The following TTC28 variants were observed in gnomAD, a reference collection of about 807,000 sequenced individuals.
TTC28 encodes the protein tetratricopeptide repeat domain 28, also known as tetratricopeptide repeat protein 28.
Under a neutral mutation model 198.0 loss-of-function variants are expected in TTC28, and 61 were observed. The ratio of observed to expected loss-of-function variants is 0.31; its 90% CI spans 0.25 to 0.38. TTC28 has a LOEUF of 0.38. Among genes scored for constraint, TTC28 ranks in the 10% least tolerant of loss-of-function variants. TTC28 has a pLI of 1.00. For synonymous variants in TTC28, 1,171 were observed against 1,297.8 expected, an observed-to-expected ratio of 0.90 and a Z score of 2.10; for missense variants, 2,678 against 3,164.0, an observed-to-expected ratio of 0.85 and a Z score of 3.69.
In TTC28 at chr22:28,634,505, CAAAAAAAAAAA is replaced by C. The variant is rs900765994; in HGVS notation, c.103-4686_103-4676del. Among the ~76,000 whole-genome samples the C allele has an allele frequency of 5.5e-3, 249 of 45,526 alleles. 2 individuals are homozygous for C. The highest frequency in any genetic ancestry group is 0.017 in the African/African-American group (226 of 13,612). 29.9% of individuals were successfully genotyped at this position (45,526 alleles called of 152,430 possible). On this transcript the variant is annotated intron_variant, in intron 1 of 22. Coordinates refer to ENST00000397906, the MANE Select transcript of TTC28 (RefSeq NM_001145418.2). ...CTGGCGACTAAGCGAGACTCCATCT[CAAAAAAAAAAA>C]AAAAAAAAGAAACGGAAATTTCTAT... is the stretch of plus-strand genomic sequence containing the variant.
chr22:28,164,414 C>A (rs1050987033), intron 5 of TTC28, among the ~76,000 whole-genome samples: 5 of 152,184 alleles, frequency 3.3e-5, no homozygotes, highest in African/African-American at 1.2e-4. Context: ...GGACTGACAC[C>A]TCACATGGCA....
At position 27,993,430 on chromosome 22, in the gene TTC28, A is replaced by G; in HGVS notation, c.5333T>C (p.Ile1778Thr). 2 of 1,551,564 alleles carry G rather than the reference A, an allele frequency of 1.3e-6. No homozygotes were observed. Among genetic ancestry groups the G allele is most frequent in the South Asian group, 1.2e-5 (1 of 84,066 alleles). ...QQSVENKVGG[I>T]PGWQALLTAV... ...GGTGAGGAGGGCCTGCCAGCCAGGG[A>G]TGCCGCCCACTTTGTTCTCCACACT... The change falls in exon 18 of 23, where the codon ATC becomes ACC. Residue 1778 changes from isoleucine to threonine, a missense_variant. Coordinates refer to ENST00000397906, the MANE Select transcript of TTC28 (RefSeq NM_001145418.2).
intron 5 of TTC28, among the ~76,000 whole-genome samples, chr22:28,215,813 A>T (rs1030236622): frequency 2.0e-5 from 3 of 152,176 alleles, no homozygotes; most frequent in African/African-American, 7.2e-5. Flanking sequence ...AATATTTTTA[A>T]ATCATTAGGA....
intron 2 of TTC28, among the ~76,000 whole-genome samples, chr22:28,404,636 C>G (rs1229424528): frequency 6.6e-6 from 1 of 152,200 alleles, no homozygotes; most frequent in African/African-American, 2.4e-5. Flanking sequence ...CACCGCTTTT[C>G]CACTCACCCC....
chr22:28,251,051 A>T (rs1247477887), intron 5 of TTC28, among the ~76,000 whole-genome samples: 1 of 152,254 alleles, frequency 6.6e-6, no homozygotes, highest in African/African-American at 2.4e-5. Flanking sequence ...TGGGTATCAC[A>T]AAGCTACTTC....
chr22:28,134,411 G>A lies in TTC28; in HGVS notation c.1442-26008C>T, dbSNP rs976561975. On this transcript the variant is annotated intron_variant, in intron 6 of 22. Coordinates refer to ENST00000397906, the MANE Select transcript of TTC28 (RefSeq NM_001145418.2). ...AGGCGTCAGACAATCAAACTTCTCCGAACTAAAGGAGGAAGTTCGAACCCA... is the reference window on the plus strand; with the variant it reads ...AGGCGTCAGACAATCAAACTTCTCCAAACTAAAGGAGGAAGTTCGAACCCA... Among the ~76,000 whole-genome samples the A allele has an allele frequency of 1.2e-4, 19 of 152,226 alleles. 1 individual carries two copies. The highest frequency in any genetic ancestry group is 3.1e-4 in the African/African-American group (13 of 41,532).
rs372773546 is a variant in TTC28, at chr22:28,096,174, C to T, written c.3766+16G>A. 2 of 1,526,320 alleles carry T rather than the reference C, an allele frequency of 1.3e-6. No individual in the cohort carries two copies. The highest frequency in any genetic ancestry group is 2.8e-5 in the African/African-American group (2 of 72,462). 94.5% of individuals were successfully genotyped at this position (1,526,320 alleles called of 1,614,324 possible). ...TAGTCTTCTAATTGCCCTGTTCCCA[C>T]AGAAAGAGATCTTACCTGCCCCAGG... On this transcript the variant is annotated intron_variant, in intron 11 of 22. Transcript: ENST00000397906.
intron 2 of TTC28, among the ~76,000 whole-genome samples, chr22:28,321,883 C>T (rs2045451516): frequency 6.6e-6 from 1 of 152,148 alleles, no homozygotes; most frequent in East Asian, 1.9e-4. Flanking sequence ...GTCACCCAGG[C>T]TGGAGTGGCA....
At chr22:28,576,978 C>T (rs552348778) in intron 2 of TTC28, among the ~76,000 whole-genome samples, 2 of 151,862 alleles carry the variant, frequency 1.3e-5, no homozygotes, top group East Asian at 3.9e-4. Context: ...TTTATTTCTG[C>T]TCTGATCTTT....
chr22:28,301,065 A>T (rs960449641), intron 3 of TTC28, among the ~76,000 whole-genome samples: 1 of 152,168 alleles, frequency 6.6e-6, no homozygotes, highest in African/African-American at 2.4e-5. Flanking sequence ...AAATTTAAAA[A>T]TTTTTTACTA....
At chr22:28,225,774 G>A (rs116391540) in intron 5 of TTC28, among the ~76,000 whole-genome samples, 8 of 152,204 alleles carry the variant, frequency 5.3e-5, no homozygotes, top group South Asian at 2.1e-4. Context: ...CTTTGCATTC[G>A]CTACTTTTTG....
At chr22:28,656,263 A>C (rs1345975228) in intron 1 of TTC28, among the ~76,000 whole-genome samples, 1 of 152,196 alleles carries the variant, frequency 6.6e-6, no homozygotes, top group Non-Finnish European at 1.5e-5. Flanking sequence ...GAAGCTTGAT[A>C]AAACTGGTCC....
chr22:28,140,053 T>TAC (rs1163755225), intron 6 of TTC28, among the ~76,000 whole-genome samples: 2 of 152,312 alleles, frequency 1.3e-5, no homozygotes, highest in African/African-American at 4.8e-5. Flanking sequence ...GGTCTGGGTG[T>TAC]AGTCCTGGCT....
intron 5 of TTC28, among the ~76,000 whole-genome samples, chr22:28,220,119 A>C (rs144686894): frequency 3.3e-5 from 5 of 152,298 alleles, no homozygotes; most frequent in African/African-American, 1.2e-4. Context: ...GAAAATAGCA[A>C]TTTCCCATTT....
At position 28,483,754 on chromosome 22, in the gene TTC28, A is replaced by G. The variant is rs568622432; in HGVS notation, c.381+145798T>C. On this transcript the variant is annotated intron_variant, in intron 2 of 22. Coordinates refer to ENST00000397906, the MANE Select transcript of TTC28 (RefSeq NM_001145418.2). ...AATCTCAAACCTTCAATTTCCCAAA[A>G]GAACGTAACCAGCAAATCATAAATA... Among the ~76,000 whole-genome samples, 3 of 152,328 alleles carry G rather than the reference A, an allele frequency of 2.0e-5. No individual in the cohort carries two copies. The South Asian group carries it at 6.2e-4, about 32-fold the overall frequency.
chr22:28,398,588 A>G (rs2046853128), intron 2 of TTC28, among the ~76,000 whole-genome samples: 2 of 152,224 alleles, frequency 1.3e-5, no homozygotes, highest in African/African-American at 4.8e-5. Flanking sequence ...CATGGCCCCT[A>G]AATGCAAGCC....
At chr22:28,428,886 C>T (rs951775113) in intron 2 of TTC28, among the ~76,000 whole-genome samples, 1 of 152,022 alleles carries the variant, frequency 6.6e-6, no homozygotes, top group African/African-American at 2.4e-5. Flanking sequence ...GTGATCTGCC[C>T]GCCTCGGCCT....
intron 2 of TTC28, among the ~76,000 whole-genome samples, chr22:28,356,876 T>C (rs981063852): frequency 2.0e-5 from 3 of 152,168 alleles, no homozygotes; most frequent in Non-Finnish European, 4.4e-5. Context: ...ATTCAGAATG[T>C]CAAGACAGCA....
chr22:28,298,785 C>A (rs1418249143), intron 3 of TTC28, among the ~76,000 whole-genome samples: 1 of 152,034 alleles, frequency 6.6e-6, no homozygotes, highest in Non-Finnish European at 1.5e-5. Context: ...GATTAATAAA[C>A]CCTGTCCATA....
Sources: allele counts gnomAD v4.1 joint callset (sites outside exome capture counted in the v4.1 genomes callset), GRCh38; gene constraint gnomAD v4.1.1; transcripts MANE v1.5; gene names NCBI Gene and HGNC (gene_info 2026-07-23, HGNC 2026-07-21).